FRG1: variants seen among roughly 807,000 people sequenced by gnomAD.
The protein encoded by FRG1 is protein FRG1.
In FRG1, 19 loss-of-function variants were observed where a neutral mutation model predicts 37.0. That is an observed-to-expected ratio of 0.51 (90% CI 0.36 to 0.75). FRG1 has a LOEUF of 0.75. Among genes scored for constraint, FRG1 ranks in the 30% least tolerant of loss-of-function variants. FRG1 has a pLI of 0.00. For missense variants in FRG1, 243 were observed against 301.4 expected (o/e 0.81, Z 1.44); for synonymous variants, 73 against 96.5 (o/e 0.76, Z 1.43).
intron 2 of FRG1, among the ~76,000 whole-genome samples, chr4:189,948,711 G>C (rs996343087): frequency 6.6e-6 from 1 of 152,222 alleles, no homozygotes; most frequent in African/African-American, 2.4e-5. Flanking sequence ...TTTTTTTTGA[G>C]ACAGGCTCTT....
chr4:189,956,898 A>G (rs181251333), intron 5 of FRG1, among the ~76,000 whole-genome samples: 1 of 152,220 alleles, frequency 6.6e-6, no homozygotes, highest in Non-Finnish European at 1.5e-5. Context: ...ACAACTAAAA[A>G]AGTATATGAA....
At chr4:189,946,131 T>C (rs1384665297) in intron 2 of FRG1, among the ~76,000 whole-genome samples, 1 of 152,198 alleles carries the variant, frequency 6.6e-6, no homozygotes, top group Non-Finnish European at 1.5e-5. Context: ...TTTGCTATGT[T>C]TTCCTGGATC....
At chr4:189,957,582 T>C in intron 6 of FRG1, 80 bp downstream of exon 6, 2 of 1,215,196 alleles carry the variant, frequency 1.6e-6, no homozygotes, top group Non-Finnish European at 2.4e-6. Flanking sequence ...AAATGGTCAT[T>C]TACTGTCACT....
At chr4:189,959,182 A>C (rs1316018612) in intron 6 of FRG1, among the ~76,000 whole-genome samples, 1 of 152,244 alleles carries the variant, frequency 6.6e-6, no homozygotes, top group Non-Finnish European at 1.5e-5. Context: ...TTCTTTTTAG[A>C]ATAGTCTTGA....
At position 189,940,875 on chromosome 4, in the gene FRG1, T is replaced by C; in HGVS notation, c.-135T>C. 1 of 629,304 alleles carries C rather than the reference T, an allele frequency of 1.6e-6. No individual in the cohort carries two copies. Among genetic ancestry groups the C allele is most frequent in the East Asian group, 2.9e-5 (1 of 34,398 alleles). The allele number at this position is 629,304 out of a possible 1,614,324, so 39.0% of individuals were successfully genotyped here. A position where few individuals can be genotyped will look rare whatever the true frequency, so the allele number is the denominator to read the frequency against. ...GCGTTTGGGTGAAGACGGAGGCGGG[T>C]TCTACAGAGACGTAGGCTGTCAGGG... On this transcript the variant is annotated 5_prime_UTR_variant, in exon 1 of 9. Transcript: ENST00000226798.
intron 8 of FRG1, among the ~76,000 whole-genome samples, chr4:189,962,290 A>C (rs10452275): frequency 1.3e-5 from 2 of 152,208 alleles, no homozygotes; most frequent in East Asian, 1.9e-4. Context: ...TTAAAATAAG[A>C]ATAGATCAAC....
intron 6 of FRG1, 145 bp from the exon 7 acceptor site, chr4:189,960,603 G>C: frequency 1.1e-6 from 1 of 950,534 alleles, no homozygotes; most frequent in Non-Finnish European, 1.5e-6. Flanking sequence ...AAAACACATA[G>C]CCAGAACCTT....
At chr4:189,944,910 A>T (rs1736462118) in intron 2 of FRG1, among the ~76,000 whole-genome samples, 1 of 152,172 alleles carries the variant, frequency 6.6e-6, no homozygotes, top group Admixed American at 6.5e-5. Flanking sequence ...CGAGAACTGT[A>T]TTGAGTCCAG....
chr4:189,941,066 G>A lies in FRG1; in HGVS notation c.57G>A (p.Thr19=). ...AGCTCGTGCTCAAGGGAACCAAGAC[G>A]AAGAGGTGGGTCCTGCAGCTTGGGC... is the stretch of plus-strand genomic sequence containing the variant. The part of the protein sequence containing the change: ...STKLVLKGTK[T]KSKKKKSKDK... The change falls in exon 1 of 9, where the codon ACG becomes ACA. Residue 19 remains threonine (T), a synonymous_variant. Coordinates refer to ENST00000226798, the MANE Select transcript of FRG1 (RefSeq NM_004477.3). 5 of 1,613,874 alleles carry A rather than the reference G, an allele frequency of 3.1e-6. No homozygotes were observed. Among genetic ancestry groups the A allele is most frequent in the Non-Finnish European group, 4.2e-6 (5 of 1,179,774 alleles).
intron 2 of FRG1, among the ~76,000 whole-genome samples, chr4:189,945,189 A>G (rs1579618826): frequency 6.6e-6 from 1 of 152,166 alleles, no homozygotes; most frequent in Non-Finnish European, 1.5e-5. Context: ...AGAAATTTGC[A>G]ATTATGTTTC....
chr4:189,940,935 G>A lies in FRG1; in HGVS notation c.-75G>A. 2 of 1,163,032 alleles carry A rather than the reference G, an allele frequency of 1.7e-6. No individual in the cohort carries two copies. Among genetic ancestry groups the A allele is most frequent in the Non-Finnish European group, 1.3e-6 (1 of 789,188 alleles). 72.0% of individuals were successfully genotyped at this position (1,163,032 alleles called of 1,614,324 possible). A position where few individuals can be genotyped will look rare whatever the true frequency, so the allele number is the denominator to read the frequency against. On this transcript the variant is annotated 5_prime_UTR_variant, in exon 1 of 9. Coordinates refer to ENST00000226798, the MANE Select transcript of FRG1 (RefSeq NM_004477.3). The stretch of plus-strand genomic sequence containing the variant: ...TTCGCGTCCGCTTCTGTTTCTCCGC[G>A]CCCCTGTGCTGCCCCGACTCACATA...
chr4:189,946,335 AT>A (rs903321102), intron 2 of FRG1, among the ~76,000 whole-genome samples: 2 of 151,770 alleles, frequency 1.3e-5, no homozygotes, highest in African/African-American at 4.8e-5. Context: ...AAGCAAAAAA[AT>A]CTCATAATAT....
chr4:189,943,545 A>C (rs1736408207), intron 2 of FRG1, among the ~76,000 whole-genome samples: 1 of 152,348 alleles, frequency 6.6e-6, no homozygotes. Flanking sequence ...ATAATTTTAA[A>C]GGCCTAATGT....
intron 2 of FRG1, among the ~76,000 whole-genome samples, chr4:189,949,786 T>A (rs188791412): frequency 1.9e-3 from 287 of 152,342 alleles, no homozygotes; most frequent in Non-Finnish European, 2.0e-3. Context: ...AAATTGCTTA[T>A]TAGTTTTATT....
rs1277907916 is a variant in FRG1, at chr4:189,962,489, CAATT to C, written c.740+560_740+563del. Among the ~76,000 whole-genome samples, 5 of 152,084 alleles carry C rather than the reference CAATT, an allele frequency of 3.3e-5. 1 individual carries two copies. In the South Asian group the frequency reaches 6.2e-4, roughly 19 times the overall value. Reference sequence around the variant, plus strand: ...TAGCTGTGAGTGTACAAGTATAAATCAATTAAGTGCCAGATTTTGATAATCACCA... The same window carrying C: ...TAGCTGTGAGTGTACAAGTATAAATCAAGTGCCAGATTTTGATAATCACCA... On this transcript the variant is annotated intron_variant, in intron 8 of 8. Coordinates refer to ENST00000226798, the MANE Select transcript of FRG1 (RefSeq NM_004477.3).
chr4:189,954,963 G>A (rs200072856), intron 4 of FRG1, 74 bp from the exon 5 acceptor site: 25 of 849,468 alleles, frequency 2.9e-5, no homozygotes, highest in African/African-American at 1.0e-4. Flanking sequence ...ACACACATAC[G>A]CATGTCCTGT....
intron 2 of FRG1, among the ~76,000 whole-genome samples, chr4:189,951,152 A>G (rs551587551): frequency 9.8e-5 from 15 of 152,290 alleles, no homozygotes; most frequent in East Asian, 9.7e-4. Flanking sequence ...ATTAGTATAC[A>G]TAGACATAGA....
rs745372192 is a variant in FRG1, at chr4:189,961,934, T to C, written c.740+2T>C. 6.8e-7 allele frequency: 1 copy of C among 1,480,242 alleles called. No homozygotes were observed. The highest frequency in any genetic ancestry group is 9.2e-7 in the Non-Finnish European group (1 of 1,085,152). The allele number at this position is 1,480,242 out of a possible 1,614,324, so 91.7% of individuals were successfully genotyped here. ...TTTGCATGAGACGCTTCTGGACAGGTAGCTATTTATTTACTTATTTCCACT... is the reference window on the plus strand; with the variant it reads ...TTTGCATGAGACGCTTCTGGACAGGCAGCTATTTATTTACTTATTTCCACT... On this transcript the variant is annotated splice_donor_variant, in intron 8 of 8. Transcript: ENST00000226798. LOFTEE classifies it high-confidence loss of function.
At chr4:189,943,422 T>G in intron 2 of FRG1, 150 bp downstream of exon 2, 1 of 889,642 alleles carries the variant, frequency 1.1e-6, no homozygotes, top group South Asian at 2.1e-5. Flanking sequence ...CCATTTATTC[T>G]TTAACACAGT....
Sources: gnomAD v4.1 joint callset for allele counts (sites outside exome capture counted in the v4.1 genomes callset) on GRCh38, gnomAD v4.1.1 for gene constraint, MANE v1.5 for transcripts, NCBI Gene and HGNC (gene_info 2026-07-23, HGNC 2026-07-21) for gene names.